The following ESRRG variants were observed in gnomAD, a reference collection of about 807,000 sequenced individuals.
ESRRG encodes the protein estrogen related receptor gamma.
ESRRG carries 13 observed loss-of-function variants against 44.0 expected under a neutral mutation model. The ratio of observed to expected loss-of-function variants is 0.30; its 90% CI spans 0.19 to 0.47. The LOEUF (loss-of-function observed/expected upper bound fraction) is 0.47. ESRRG is among the 20% of genes least tolerant of loss of function. ESRRG has a pLI of 1.00. For synonymous variants in ESRRG, 215 were observed against 214.6 expected, an observed-to-expected ratio of 1.00 and a Z score of -0.02; for missense variants, 395 against 580.6, an observed-to-expected ratio of 0.68 and a Z score of 3.29.
chr1:216,529,891 C>T (rs538093480), intron 5 of ESRRG, among the ~76,000 whole-genome samples: 1 of 151,936 alleles, frequency 6.6e-6, no homozygotes, highest in East Asian at 1.9e-4. Flanking sequence ...GTGAGTGGAT[C>T]ACTTGAGGTC....
intron 3 of ESRRG, among the ~76,000 whole-genome samples, chr1:216,624,552 C>T (rs990036678): frequency 1.3e-5 from 2 of 152,172 alleles, no homozygotes; most frequent in Non-Finnish European, 1.5e-5. Context: ...ATTCAGCATA[C>T]CTGCCTTCAA....
At chr1:217,121,262 T>C (rs922129426) in intron 1 of ESRRG, among the ~76,000 whole-genome samples, 1 of 151,936 alleles carries the variant, frequency 6.6e-6, no homozygotes, top group African/African-American at 2.4e-5. Flanking sequence ...GGGAGGGGAA[T>C]AGTAAAGTGT....
chr1:216,519,795 T>A (rs2376831), intron 5 of ESRRG, among the ~76,000 whole-genome samples: 1 of 143,658 alleles, frequency 7.0e-6, no homozygotes. Flanking sequence ...AAAACTACTA[T>A]TGGTAAACAA....
chr1:216,693,252 A>G (rs1466730346), intron 1 of ESRRG, among the ~76,000 whole-genome samples: 1 of 152,182 alleles, frequency 6.6e-6, no homozygotes, highest in East Asian at 1.9e-4. Flanking sequence ...TTGTGTGTGT[A>G]ATTTAAAATT....
At chr1:216,722,614 A>T (rs2086594122) in intron 1 of ESRRG, among the ~76,000 whole-genome samples, 1 of 152,138 alleles carries the variant, frequency 6.6e-6, no homozygotes, top group Non-Finnish European at 1.5e-5. Flanking sequence ...TCCCCCCTTA[A>T]ATATTTATAA....
chr1:216,793,785 T>G (rs1408539355), intron 2 of ESRRG, among the ~76,000 whole-genome samples: 1 of 152,206 alleles, frequency 6.6e-6, no homozygotes, highest in Non-Finnish European at 1.5e-5. Context: ...TTCTAATTTT[T>G]AAGTGACTTG....
intron 2 of ESRRG, among the ~76,000 whole-genome samples, chr1:216,665,525 T>C (rs2073692348): frequency 6.6e-6 from 1 of 152,118 alleles, no homozygotes; most frequent in Non-Finnish European, 1.5e-5. Context: ...GAATGGTGGC[T>C]AGCAGGGACT....
intron 1 of ESRRG, among the ~76,000 whole-genome samples, chr1:217,062,296 G>A (rs958820006): frequency 1.3e-5 from 2 of 152,114 alleles, no homozygotes; most frequent in Admixed American, 1.3e-4. Flanking sequence ...TAAAAGCAAT[G>A]ACATACCGTG....
rs570153040 is a variant in ESRRG, at chr1:216,649,228, G to A, written c.589+1745C>T. Among the ~76,000 whole-genome samples the A allele has an allele frequency of 2.7e-3, 409 of 152,234 alleles. 5 individuals carry two copies. The highest frequency in any genetic ancestry group is 0.023 in the South Asian group (110 of 4,832). The stretch of plus-strand genomic sequence containing the variant: ...GTTCACTGTTGTATCACTGGAGCCT[G>A]GAATAGTGCCTGGAACATGGGAAGA... On this transcript the variant is annotated intron_variant, in intron 3 of 6. Transcript: ENST00000408911.
intron 1 of ESRRG, among the ~76,000 whole-genome samples, chr1:217,034,937 C>A (rs187534666): frequency 6.6e-6 from 1 of 152,226 alleles, no homozygotes; most frequent in East Asian, 1.9e-4. Context: ...GAAAATAACG[C>A]CTTCTAGGTA....
At chr1:217,125,110 C>G (rs2092871493) in intron 1 of ESRRG, among the ~76,000 whole-genome samples, 1 of 152,180 alleles carries the variant, frequency 6.6e-6, no homozygotes, top group Non-Finnish European at 1.5e-5. Context: ...ATTCCCTATC[C>G]TAGATCCCAG....
At chr1:217,071,701 T>C (rs1020066982) in intron 1 of ESRRG, among the ~76,000 whole-genome samples, 1 of 152,240 alleles carries the variant, frequency 6.6e-6, no homozygotes, top group African/African-American at 2.4e-5. Context: ...TAATGTCTAA[T>C]AGTCACTGAA....
chr1:216,645,858 C>A (rs866327178), intron 3 of ESRRG, among the ~76,000 whole-genome samples: 4 of 136,182 alleles, frequency 2.9e-5, no homozygotes, highest in South Asian at 2.5e-4. Context: ...GGGGACAGAG[C>A]CAGACCCCTT....
At chr1:216,618,347 T>C (rs1469800722) in intron 3 of ESRRG, among the ~76,000 whole-genome samples, 1 of 152,196 alleles carries the variant, frequency 6.6e-6, no homozygotes, top group African/African-American at 2.4e-5. Flanking sequence ...TTATAAACAT[T>C]ATACAAGATC....
At chr1:216,933,899 C>T (rs1305178798) in intron 2 of ESRRG, among the ~76,000 whole-genome samples, 2 of 152,128 alleles carry the variant, frequency 1.3e-5, no homozygotes, top group African/African-American at 4.8e-5. Flanking sequence ...CCCCATCTTC[C>T]CTCCACTGAC....
intron 1 of ESRRG, among the ~76,000 whole-genome samples, chr1:216,993,212 T>A (rs544511982): frequency 6.6e-6 from 1 of 152,290 alleles, no homozygotes; most frequent in African/African-American, 2.4e-5. Flanking sequence ...CACAAGAAAT[T>A]GAACCTACAT....
At chr1:216,674,952 A>T (rs529224221) in intron 2 of ESRRG, among the ~76,000 whole-genome samples, 1 of 152,290 alleles carries the variant, frequency 6.6e-6, no homozygotes, top group East Asian at 1.9e-4. Context: ...GCCACAGATC[A>T]AGGAAGTTAT....
At chr1:216,526,837 G>A (rs2047809780) in intron 5 of ESRRG, among the ~76,000 whole-genome samples, 1 of 152,138 alleles carries the variant, frequency 6.6e-6, no homozygotes, top group South Asian at 2.1e-4. Context: ...CTAGAATTGG[G>A]TGCCATCTCT....
At chr1:217,086,821 G>A (rs1234797268) in intron 1 of ESRRG, among the ~76,000 whole-genome samples, 1 of 152,166 alleles carries the variant, frequency 6.6e-6, no homozygotes, top group Non-Finnish European at 1.5e-5. Flanking sequence ...CACCTTCGGT[G>A]TCTAATTGAA....
Sources: gnomAD v4.1 joint callset for allele counts (sites outside exome capture counted in the v4.1 genomes callset) on GRCh38, gnomAD v4.1.1 for gene constraint, MANE v1.5 for transcripts, NCBI Gene and HGNC (gene_info 2026-07-23, HGNC 2026-07-21) for gene names.